KIRREL3: variants seen among roughly 807,000 people sequenced by gnomAD.
KIRREL3 encodes kin of IRRE-like protein 3.
Under a neutral mutation model 89.7 loss-of-function variants are expected in KIRREL3, and 36 were observed. That is an observed-to-expected ratio of 0.40 (90% CI 0.31 to 0.53). KIRREL3 has a LOEUF of 0.53. KIRREL3 is among the 20% of genes least tolerant of loss of function. KIRREL3 has a pLI of 0.49. For missense variants in KIRREL3, 864 were observed against 1,056.6 expected, an observed-to-expected ratio of 0.82 and a Z score of 2.53; for synonymous variants, 445 against 441.4, an observed-to-expected ratio of 1.01 and a Z score of -0.10.
At position 126,682,389 on chromosome 11, in the gene KIRREL3, AGTGTT is replaced by A. The variant is rs1946497188; in HGVS notation, c.56-119482_56-119478del. Among the ~76,000 whole-genome samples the A allele has an allele frequency of 6.6e-6, 1 of 152,128 alleles. No homozygotes were observed. Among genetic ancestry groups the A allele is most frequent in the African/African-American group, 2.4e-5 (1 of 41,418 alleles). Reference sequence around the variant, plus strand: ...ATGAGGATGATAATATCCTCCTCCCAGTGTTGCTGGGAGGATGAAGTGAGATGAAT... The same window carrying A: ...ATGAGGATGATAATATCCTCCTCCCAGCTGGGAGGATGAAGTGAGATGAAT... On this transcript the variant is annotated intron_variant, in intron 1 of 16. Coordinates refer to ENST00000525144, the MANE Select transcript of KIRREL3 (RefSeq NM_032531.4). The surrounding 1 kb of genome is among the most constrained non-coding windows in gnomAD (Gnocchi z 4.8).
rs572194457 is a variant in KIRREL3 at position 126,797,397 on chromosome 11, C to T, written c.55+203058G>A. ...CTGGATGCTGATAGTTTTGGTGGCG[C>T]GGCTGTTATTGGTTGGAAGAATCTG... On this transcript the variant is annotated intron_variant, in intron 1 of 16. Transcript: ENST00000525144. This position sits in a 1 kb window ranked among gnomAD's most constrained non-coding sequence, Gnocchi z 4.9. Among the ~76,000 whole-genome samples, 5 of 152,072 alleles carry T rather than the reference C, an allele frequency of 3.3e-5. No individual in the cohort carries two copies. The highest frequency in any genetic ancestry group is 7.4e-5 in the Non-Finnish European group (5 of 68,020).
At chr11:126,678,113 T>C (rs1225936131) in intron 1 of KIRREL3, among the ~76,000 whole-genome samples, 2 of 152,296 alleles carry the variant, frequency 1.3e-5, no homozygotes, top group African/African-American at 4.8e-5. Flanking sequence ...CCACACAAGA[T>C]AGATGGCAGC....
At chr11:126,880,197 T>A (rs1195931953) in intron 1 of KIRREL3, among the ~76,000 whole-genome samples, 1 of 152,232 alleles carries the variant, frequency 6.6e-6, no homozygotes, top group Non-Finnish European at 1.5e-5. Flanking sequence ...ACAAAGAGCC[T>A]GGAATCTAGA....
In KIRREL3 at chr11:126,620,028, C is replaced by T. The variant is rs1437896417; in HGVS notation, c.56-57116G>A. ...TCTCGGGGAGGCAGATTTAAGGTTT[C>T]CTCTCATTTGGCTGCCGTGTGATTA... On this transcript the variant is annotated intron_variant, in intron 1 of 16. Transcript: ENST00000525144. The surrounding 1 kb of genome is among the most constrained non-coding windows in gnomAD (Gnocchi z 4.8). Among the ~76,000 whole-genome samples, 1 of 152,192 alleles carries T rather than the reference C, an allele frequency of 6.6e-6. No homozygotes were observed. The highest frequency in any genetic ancestry group is 1.5e-5 in the Non-Finnish European group (1 of 68,034).
Position 126,780,125 on chromosome 11 carries a change from G to T in KIRREL3, c.56-217213C>A, listed in dbSNP as rs1209273431. 6.6e-6 allele frequency among the ~76,000 whole-genome samples: 1 copy of T among 152,114 alleles called. No individual in the cohort carries two copies. The highest frequency in any genetic ancestry group is 1.5e-5 in the Non-Finnish European group (1 of 68,012). On this transcript the variant is annotated intron_variant, in intron 1 of 16. Coordinates refer to ENST00000525144, the MANE Select transcript of KIRREL3 (RefSeq NM_032531.4). This position sits in a 1 kb window ranked among gnomAD's most constrained non-coding sequence, Gnocchi z 5.3. Reference sequence around the variant, plus strand: ...AGAAAGGGAGTAGGATAGGGGAGATGGACATGGAAGCACAGGGGAGAGACA... The same window carrying T: ...AGAAAGGGAGTAGGATAGGGGAGATTGACATGGAAGCACAGGGGAGAGACA...
At chr11:126,466,044 C>T (rs145204386) in intron 5 of KIRREL3, among the ~76,000 whole-genome samples, 286 of 152,234 alleles carry the variant, frequency 1.9e-3, no homozygotes, top group African/African-American at 6.4e-3. Flanking sequence ...GCCCTTCCAA[C>T]GGATGGGCTC....
In KIRREL3 at chr11:126,734,238, A is replaced by G. The variant is rs1371493365; in HGVS notation, c.56-171326T>C. 2.0e-5 allele frequency among the ~76,000 whole-genome samples: 3 copies of G among 152,210 alleles called. No homozygotes were observed. Among genetic ancestry groups the G allele is most frequent in the Non-Finnish European group, 2.9e-5 (2 of 68,032 alleles). On this transcript the variant is annotated intron_variant, in intron 1 of 16. Transcript: ENST00000525144. The surrounding 1 kb of genome is among the most constrained non-coding windows in gnomAD (Gnocchi z 5.9). ...CCAAGTCCCATGCTTTCATCAGAAAAAAAGCTCTACTTTTGGGATCTATGG... is the reference window on the plus strand; with the variant it reads ...CCAAGTCCCATGCTTTCATCAGAAAGAAAGCTCTACTTTTGGGATCTATGG...
chr11:126,638,797 C>T (rs934711202), intron 1 of KIRREL3, among the ~76,000 whole-genome samples: 1 of 152,094 alleles, frequency 6.6e-6, no homozygotes, highest in Non-Finnish European at 1.5e-5. Context: ...GTGGAGGAAT[C>T]GCTATGTGAA....
At position 126,715,914 on chromosome 11, in the gene KIRREL3, C is replaced by T. The variant is rs905250011; in HGVS notation, c.56-153002G>A. On this transcript the variant is annotated intron_variant, in intron 1 of 16. Coordinates refer to ENST00000525144, the MANE Select transcript of KIRREL3 (RefSeq NM_032531.4). The surrounding 1 kb of genome is among the most constrained non-coding windows in gnomAD (Gnocchi z 4.4). Reference sequence around the variant, plus strand: ...GTGTTATTGACTAGTGGAAAAATGGCTCCTCTCTGACTTAGCACAGGATGC... The same window carrying T: ...GTGTTATTGACTAGTGGAAAAATGGTTCCTCTCTGACTTAGCACAGGATGC... Among the ~76,000 whole-genome samples, 26 of 152,170 alleles carry T rather than the reference C, an allele frequency of 1.7e-4. No homozygotes were observed. Among genetic ancestry groups the T allele is most frequent in the Non-Finnish European group, 4.4e-5 (3 of 68,034 alleles).
rs926143600 is a variant in KIRREL3 at position 126,783,324 on chromosome 11, C to T, written c.55+217131G>A. On this transcript the variant is annotated intron_variant, in intron 1 of 16. Transcript: ENST00000525144. This position sits in a 1 kb window ranked among gnomAD's most constrained non-coding sequence, Gnocchi z 4.3. ...TCCCTCTTCTCTTCTTATGAGGACA[C>T]TCACTGGTCACATTGGATTAAGGGC... Among the ~76,000 whole-genome samples the T allele has an allele frequency of 6.6e-6, 1 of 152,160 alleles. No individual in the cohort carries two copies. Among genetic ancestry groups the T allele is most frequent in the Non-Finnish European group, 1.5e-5 (1 of 68,030 alleles).
intron 5 of KIRREL3, among the ~76,000 whole-genome samples, chr11:126,465,778 C>G (rs1256139168): frequency 6.6e-6 from 1 of 152,130 alleles, no homozygotes; most frequent in East Asian, 1.9e-4. Flanking sequence ...AAGTTGAACC[C>G]CAAGCCAAAG....
intron 2 of KIRREL3, among the ~76,000 whole-genome samples, chr11:126,560,332 A>T (rs1467967161): frequency 6.6e-6 from 1 of 152,176 alleles, no homozygotes; most frequent in East Asian, 1.9e-4. Flanking sequence ...CCATTCCTGC[A>T]AAGACTGCAG....
chr11:126,826,763 G>A (rs1237228569), intron 1 of KIRREL3, among the ~76,000 whole-genome samples: 1 of 152,186 alleles, frequency 6.6e-6, no homozygotes, highest in Non-Finnish European at 1.5e-5. Flanking sequence ...CTCTAAGAAT[G>A]TAGCTGTGAG....
chr11:126,814,443 T>C lies in KIRREL3; in HGVS notation c.55+186012A>G, dbSNP rs1427960078. ...TATATACCCAAAGGAATATAAATCA[T>C]TGTATTATAAAGATACATGCACTAC... On this transcript the variant is annotated intron_variant, in intron 1 of 16. Transcript: ENST00000525144. This position sits in a 1 kb window ranked among gnomAD's most constrained non-coding sequence, Gnocchi z 4.4. 6.6e-6 allele frequency among the ~76,000 whole-genome samples: 1 copy of C among 152,208 alleles called. No individual in the cohort carries two copies. The highest frequency in any genetic ancestry group is 2.4e-5 in the African/African-American group (1 of 41,454).
In KIRREL3 at chr11:126,747,465, C is replaced by T. The variant is rs375085427; in HGVS notation, c.56-184553G>A. Among the ~76,000 whole-genome samples the T allele has an allele frequency of 3.7e-4, 56 of 152,242 alleles. 2 individuals carry two copies. Among genetic ancestry groups the T allele is most frequent in the African/African-American group, 1.2e-3 (48 of 41,522 alleles). ...CTCTGATTAAGTCATGCAACCTCATCGCCACTACCTGGGACTGTCTTTCCT... is the reference window on the plus strand; with the variant it reads ...CTCTGATTAAGTCATGCAACCTCATTGCCACTACCTGGGACTGTCTTTCCT... On this transcript the variant is annotated intron_variant, in intron 1 of 16. Coordinates refer to ENST00000525144, the MANE Select transcript of KIRREL3 (RefSeq NM_032531.4). The surrounding 1 kb of genome is among the most constrained non-coding windows in gnomAD (Gnocchi z 4.7).
At position 126,520,397 on chromosome 11, in the gene KIRREL3, T is replaced by A. The variant is rs1958547348; in HGVS notation, c.433+918A>T. Among the ~76,000 whole-genome samples the A allele has an allele frequency of 6.6e-6, 1 of 152,152 alleles. No homozygotes were observed. The highest frequency in any genetic ancestry group is 6.5e-5 in the Admixed American group (1 of 15,274). Reference sequence around the variant, plus strand: ...CCAGGAGCCCATGGGCCAAGCTCTTTGCATCTGTGGGCCTTAGTATCTCAT... The same window carrying A: ...CCAGGAGCCCATGGGCCAAGCTCTTAGCATCTGTGGGCCTTAGTATCTCAT... On this transcript the variant is annotated intron_variant, in intron 4 of 16. Transcript: ENST00000525144. This position sits in a 1 kb window ranked among gnomAD's most constrained non-coding sequence, Gnocchi z 4.9.
intron 1 of KIRREL3, among the ~76,000 whole-genome samples, chr11:126,775,578 G>C (rs1950147044): frequency 1.3e-5 from 2 of 152,156 alleles, no homozygotes; most frequent in African/African-American, 4.8e-5. Flanking sequence ...GCCCAGTTCA[G>C]GGCCTGCCTG....
rs960513888 is a variant in KIRREL3, at chr11:126,946,916, T to G, written c.55+53539A>C. Among the ~76,000 whole-genome samples, 1 of 152,186 alleles carries G rather than the reference T, an allele frequency of 6.6e-6. No homozygotes were observed. The highest frequency in any genetic ancestry group is 1.5e-5 in the Non-Finnish European group (1 of 68,030). ...GGCATTTGGTATCACCATACAGAGA[T>G]TGAATGTGCAGGCATTGAGTGGTTA... is the stretch of plus-strand genomic sequence containing the variant. On this transcript the variant is annotated intron_variant, in intron 1 of 16. Transcript: ENST00000525144. The surrounding 1 kb of genome is among the most constrained non-coding windows in gnomAD (Gnocchi z 4.1).
At chr11:126,433,600 G>A (rs1357194795) in intron 13 of KIRREL3, among the ~76,000 whole-genome samples, 4 of 152,192 alleles carry the variant, frequency 2.6e-5, no homozygotes, top group Non-Finnish European at 4.4e-5. Context: ...GGATTGAAAC[G>A]GGAGGTGCTC....
Sources: gnomAD v4.1 joint callset for allele counts (sites outside exome capture counted in the v4.1 genomes callset) on GRCh38, gnomAD v4.1.1 for gene constraint, Gnocchi (gnomAD v3.1) non-coding constraint, MANE v1.5 for transcripts, NCBI Gene and HGNC (gene_info 2026-07-23, HGNC 2026-07-21) for gene names.